Variants in GRXCR1 observed in about 807,000 individuals in gnomAD.
GRXCR1 encodes glutaredoxin domain-containing cysteine-rich protein 1.
Under a neutral mutation model 27.3 loss-of-function variants are expected in GRXCR1, and 27 were observed. That is an observed-to-expected ratio of 0.99 (90% CI 0.73 to 1.37). The LOEUF (loss-of-function observed/expected upper bound fraction) is 1.37, where lower values mean the gene tolerates loss of function less well. GRXCR1 is among the 40% of genes most tolerant of loss of function. GRXCR1 has a pLI of 0.00. For synonymous variants in GRXCR1, 122 were observed against 131.1 expected (o/e 0.93, Z 0.47); for missense variants, 379 against 354.4 (o/e 1.07, Z -0.56).
At chr4:42,978,231 T>G (rs1290288110) in intron 2 of GRXCR1, among the ~76,000 whole-genome samples, 1 of 152,080 alleles carries the variant, frequency 6.6e-6, no homozygotes, top group African/African-American at 2.4e-5. Flanking sequence ...TAACTTGAAG[T>G]CAGGTAGTGT....
chr4:43,018,188 A>G (rs180844708), intron 2 of GRXCR1, among the ~76,000 whole-genome samples: 31 of 152,246 alleles, frequency 2.0e-4, no homozygotes, highest in Admixed American at 1.0e-3. Flanking sequence ...ACTACTGTCA[A>G]TGCTCAGCAT....
intron 2 of GRXCR1, among the ~76,000 whole-genome samples, chr4:42,973,045 C>G (rs1748425226): frequency 1.3e-5 from 2 of 152,050 alleles, no homozygotes; most frequent in Admixed American, 6.6e-5. Context: ...TTTCTCTTAG[C>G]TTATAGTCAC....
chr4:42,908,439 G>T (rs1186621806), intron 1 of GRXCR1, among the ~76,000 whole-genome samples: 1 of 152,136 alleles, frequency 6.6e-6, no homozygotes, highest in African/African-American at 2.4e-5. Flanking sequence ...GTGACTTTTC[G>T]GTTGAAGCTG....
chr4:43,008,163 C>T (rs969011533), intron 2 of GRXCR1, among the ~76,000 whole-genome samples: 1 of 151,714 alleles, frequency 6.6e-6, no homozygotes, highest in African/African-American at 2.4e-5. Flanking sequence ...ATTTTTTCAT[C>T]TTTTTAGTAT....
intron 1 of GRXCR1, among the ~76,000 whole-genome samples, chr4:42,915,083 T>C (rs1044601960): frequency 6.6e-6 from 1 of 152,162 alleles, no homozygotes; most frequent in East Asian, 1.9e-4. Context: ...AGCATGAGAA[T>C]GAACTAATAC....
intron 2 of GRXCR1, among the ~76,000 whole-genome samples, chr4:43,006,569 C>A (rs1290129622): frequency 6.6e-6 from 1 of 152,124 alleles, no homozygotes. Context: ...GAGGAAATTC[C>A]CACCTAATAA....
At chr4:42,965,039 A>G (rs1340832369) in intron 2 of GRXCR1, among the ~76,000 whole-genome samples, 1 of 152,080 alleles carries the variant, frequency 6.6e-6, no homozygotes, top group Non-Finnish European at 1.5e-5. Context: ...GCACAGGTAT[A>G]AAGTTGGCTG....
rs896130949 is a variant in GRXCR1, at chr4:43,003,069, C to T, written c.628-17285C>T. ...CTCCTGCCACCACATGAAGAAGATC[C>T]TTTCTTCCCCCTTTGCCTTCTGTCA... On this transcript the variant is annotated intron_variant, in intron 2 of 3. Transcript: ENST00000399770. Among the ~76,000 whole-genome samples the T allele has an allele frequency of 3.3e-5, 5 of 152,150 alleles. 1 individual carries two copies. Among genetic ancestry groups the T allele is most frequent in the Non-Finnish European group, 2.9e-5 (2 of 68,024 alleles).
chr4:43,029,509 G>T (rs1244785329), intron 3 of GRXCR1, among the ~76,000 whole-genome samples: 1 of 152,030 alleles, frequency 6.6e-6, no homozygotes, highest in Non-Finnish European at 1.5e-5. Context: ...CTAAACTGAT[G>T]GATGCCACTA....
intron 2 of GRXCR1, among the ~76,000 whole-genome samples, chr4:43,017,652 C>T (rs1545101): frequency 0.47 from 70,983 of 151,854 alleles, 17,064 homozygotes; most frequent in East Asian, 0.8. Flanking sequence ...CCATAGGTGT[C>T]GTGGAGGTCT....
At chr4:42,941,053 C>T (rs541040119) in intron 1 of GRXCR1, among the ~76,000 whole-genome samples, 2 of 151,848 alleles carry the variant, frequency 1.3e-5, no homozygotes, top group East Asian at 3.9e-4. Flanking sequence ...AATTCTTATA[C>T]ATACAGAAAT....
intron 2 of GRXCR1, among the ~76,000 whole-genome samples, chr4:42,980,316 C>T (rs888275782): frequency 2.6e-5 from 4 of 151,714 alleles, no homozygotes; most frequent in South Asian, 2.1e-4. Context: ...TGCTGTATTC[C>T]GTTAAGTTTT....
intron 2 of GRXCR1, among the ~76,000 whole-genome samples, chr4:43,012,208 C>T (rs1187365563): frequency 6.6e-6 from 1 of 152,196 alleles, no homozygotes; most frequent in Non-Finnish European, 1.5e-5. Context: ...GGCTCTTTAG[C>T]ATGAGAGATT....
intron 1 of GRXCR1, among the ~76,000 whole-genome samples, chr4:42,894,593 A>G (rs1746308373): frequency 6.6e-6 from 1 of 152,136 alleles, no homozygotes; most frequent in Non-Finnish European, 1.5e-5. Context: ...GATTTCAATG[A>G]AAGTACTTAA....
At chr4:42,970,927 C>T (rs547367801) in intron 2 of GRXCR1, among the ~76,000 whole-genome samples, 14 of 152,248 alleles carry the variant, frequency 9.2e-5, no homozygotes, top group African/African-American at 3.4e-4. Context: ...CAATTTCAGA[C>T]AATCTCTTCG....
chr4:43,013,615 C>T (rs910863375), intron 2 of GRXCR1, among the ~76,000 whole-genome samples: 1 of 152,000 alleles, frequency 6.6e-6, no homozygotes, highest in Non-Finnish European at 1.5e-5. Flanking sequence ...TGCACATGTA[C>T]CCCTGAATCG....
At chr4:42,973,929 A>G (rs868217703) in intron 2 of GRXCR1, among the ~76,000 whole-genome samples, 19 of 152,194 alleles carry the variant, frequency 1.2e-4, no homozygotes, top group African/African-American at 4.6e-4. Context: ...CTAAGGCTAG[A>G]GCATGTTCTA....
At chr4:42,980,526 T>C (rs1028879746) in intron 2 of GRXCR1, among the ~76,000 whole-genome samples, 3 of 152,114 alleles carry the variant, frequency 2.0e-5, no homozygotes, top group Non-Finnish European at 4.4e-5. Flanking sequence ...TTTAATCTTC[T>C]TAAATTTCTT....
At chr4:42,899,923 G>A (rs1746426257) in intron 1 of GRXCR1, among the ~76,000 whole-genome samples, 2 of 152,122 alleles carry the variant, frequency 1.3e-5, no homozygotes. Context: ...CAAAGTCACA[G>A]ATTCCACAAT....
Sources: allele counts gnomAD v4.1 joint callset (sites outside exome capture counted in the v4.1 genomes callset), GRCh38; gene constraint gnomAD v4.1.1; transcripts MANE v1.5; gene names NCBI Gene and HGNC (gene_info 2026-07-23, HGNC 2026-07-21).